The following CNTN3 variants were observed in gnomAD, a reference collection of about 807,000 sequenced individuals.
CNTN3 encodes the protein contactin-3.
A neutral mutation model predicts 119.1 loss-of-function variants in CNTN3; 60 were observed. That is an observed-to-expected ratio of 0.50 (90% confidence interval 0.41 to 0.62). CNTN3 has a LOEUF of 0.62. Among genes scored for constraint, CNTN3 ranks in the 20% least tolerant of loss-of-function variants. The pLI, the probability that CNTN3 is intolerant of heterozygous loss-of-function variation, is 0.00. For missense variants in CNTN3, 1,101 were observed against 1,242.4 expected, an observed-to-expected ratio of 0.89 and a Z score of 1.71; for synonymous variants, 450 against 438.7, an observed-to-expected ratio of 1.03 and a Z score of -0.32.
intron 19 of CNTN3, among the ~76,000 whole-genome samples, chr3:74,286,245 C>T (rs929217706): frequency 3.3e-5 from 5 of 152,052 alleles, no homozygotes; most frequent in East Asian, 1.9e-4. Context: ...ACAAAGCATA[C>T]GAGGAACCCT....
chr3:74,525,801 A>C (rs190283723), intron 1 of CNTN3, among the ~76,000 whole-genome samples: 37 of 152,010 alleles, frequency 2.4e-4, no homozygotes, highest in African/African-American at 8.7e-4. Flanking sequence ...TGGACTCAAA[A>C]CCAAAAATGC....
chr3:74,289,994 T>G (rs1702191508), intron 19 of CNTN3, among the ~76,000 whole-genome samples: 1 of 152,202 alleles, frequency 6.6e-6, no homozygotes, highest in Non-Finnish European at 1.5e-5. Context: ...TTTTCTGTCT[T>G]TCAGTGAAAC....
chr3:74,275,120 G>A (rs1231221612), intron 20 of CNTN3, among the ~76,000 whole-genome samples: 2 of 152,062 alleles, frequency 1.3e-5, no homozygotes, highest in African/African-American at 4.8e-5. Flanking sequence ...AAAAGAATAA[G>A]AAAATATGAT....
intron 13 of CNTN3, among the ~76,000 whole-genome samples, chr3:74,326,421 A>C (rs1400703298): frequency 6.6e-6 from 1 of 152,194 alleles, no homozygotes; most frequent in Non-Finnish European, 1.5e-5. Flanking sequence ...TAATCAAAAT[A>C]GAATAATTAG....
At chr3:74,563,372 A>G (rs1001163513) in intron 1 of CNTN3, among the ~76,000 whole-genome samples, 1 of 152,178 alleles carries the variant, frequency 6.6e-6, no homozygotes, top group African/African-American at 2.4e-5. Flanking sequence ...TTTATTATGA[A>G]TTAATAATGG....
intron 1 of CNTN3, among the ~76,000 whole-genome samples, chr3:74,580,869 C>T (rs1704494251): frequency 6.6e-6 from 1 of 152,152 alleles, no homozygotes; most frequent in African/African-American, 2.4e-5. Context: ...CTGACGTGCA[C>T]CATCACAATC....
intron 4 of CNTN3, among the ~76,000 whole-genome samples, chr3:74,468,975 G>A (rs1323989261): frequency 6.6e-6 from 1 of 152,054 alleles, no homozygotes; most frequent in Non-Finnish European, 1.5e-5. Context: ...AAAGGCCATT[G>A]TTATACTGTG....
At chr3:74,590,561 C>T (rs1704684306) in intron 1 of CNTN3, among the ~76,000 whole-genome samples, 1 of 151,864 alleles carries the variant, frequency 6.6e-6, no homozygotes, top group African/African-American at 2.4e-5. Flanking sequence ...CATATGGGGG[C>T]ATTTTAGTTG....
At chr3:74,397,372 A>G (rs1038006413) in intron 5 of CNTN3, among the ~76,000 whole-genome samples, 20 of 152,276 alleles carry the variant, frequency 1.3e-4, no homozygotes, top group Middle Eastern at 6.8e-3. Flanking sequence ...TGCTGTTTAC[A>G]TGCCTGCAAA....
chr3:74,461,311 CA>C (rs954996877), intron 4 of CNTN3, among the ~76,000 whole-genome samples: 15 of 151,970 alleles, frequency 9.9e-5, no homozygotes, highest in African/African-American at 2.9e-4. Context: ...TTCCTTTGTT[CA>C]TGCCATTTAT....
rs115496060 is a variant in CNTN3 at position 74,419,584 on chromosome 3, T to C, written c.454+5261A>G. Among the ~76,000 whole-genome samples the C allele has an allele frequency of 6.5e-3, 996 of 152,300 alleles. 13 individuals carry two copies. The highest frequency in any genetic ancestry group is 0.022 in the African/African-American group (924 of 41,556). ...TTTTTCCATCCCAAGGGCTATGTTG[T>C]TATAATATGTGAATGGCAGTATACA... is the stretch of plus-strand genomic sequence containing the variant. On this transcript the variant is annotated intron_variant, in intron 5 of 22. Coordinates refer to ENST00000263665, the MANE Select transcript of CNTN3 (RefSeq NM_020872.3).
At chr3:74,342,050 A>G (rs1401803094) in intron 11 of CNTN3, among the ~76,000 whole-genome samples, 6 of 152,150 alleles carry the variant, frequency 3.9e-5, no homozygotes, top group Non-Finnish European at 8.8e-5. Flanking sequence ...TTCTGAGTAC[A>G]TATTCTAAGA....
At chr3:74,590,738 T>G (rs1052676213) in intron 1 of CNTN3, among the ~76,000 whole-genome samples, 4 of 152,020 alleles carry the variant, frequency 2.6e-5, no homozygotes, top group Non-Finnish European at 5.9e-5. Flanking sequence ...TCTTAACACA[T>G]AAAGATGCAA....
In CNTN3 at chr3:74,364,564, T is replaced by C. The variant is rs774785850; in HGVS notation, c.1116A>G (p.Thr372=). 1 of 1,610,508 alleles carries C rather than the reference T, an allele frequency of 6.2e-7. No homozygotes were observed. The change falls in exon 10 of 23, where the codon ACA becomes ACG. Residue 372 remains threonine, a synonymous_variant. Transcript: ENST00000263665. The part of the protein sequence containing the change: ...ERTQIENGAL[T]ISNLSVTDSG... ...AATCAGTCACACTTAGGTTTGATATTGTAAGGGCACCATTTTCTATCTGTG... is the reference window on the plus strand; with the variant it reads ...AATCAGTCACACTTAGGTTTGATATCGTAAGGGCACCATTTTCTATCTGTG...
chr3:74,425,762 A>G (rs1021389291), intron 4 of CNTN3, among the ~76,000 whole-genome samples: 1 of 152,084 alleles, frequency 6.6e-6, no homozygotes, highest in African/African-American at 2.4e-5. Context: ...TCTACCTATA[A>G]TTATTTTTAT....
intron 4 of CNTN3, among the ~76,000 whole-genome samples, chr3:74,437,868 C>T (rs1274653577): frequency 1.3e-5 from 2 of 152,108 alleles, no homozygotes; most frequent in Non-Finnish European, 2.9e-5. Context: ...GTGCAAAGTA[C>T]ATGTTAAAAG....
At chr3:74,266,342 T>A in intron 22 of CNTN3, 139 bp downstream of exon 22, 1 of 816,346 alleles carries the variant, frequency 1.2e-6, no homozygotes, top group Non-Finnish European at 1.9e-6. Context: ...TGCCCACGTC[T>A]CACCTGCCAA....
intron 1 of CNTN3, among the ~76,000 whole-genome samples, chr3:74,546,442 A>G (rs945013774): frequency 6.6e-6 from 1 of 152,184 alleles, no homozygotes; most frequent in Non-Finnish European, 1.5e-5. Flanking sequence ...GGACTGGGAG[A>G]GGCAGACTCA....
intron 2 of CNTN3, among the ~76,000 whole-genome samples, chr3:74,517,470 C>T (rs1043087605): frequency 6.6e-6 from 1 of 151,880 alleles, no homozygotes; most frequent in East Asian, 1.9e-4. Context: ...CACTAACACC[C>T]ATATTGTGCT....
Sources: gnomAD v4.1 joint callset for allele counts (sites outside exome capture counted in the v4.1 genomes callset) on GRCh38, gnomAD v4.1.1 for gene constraint, MANE v1.5 for transcripts, NCBI Gene and HGNC (gene_info 2026-07-23, HGNC 2026-07-21) for gene names.